FOXN3: variants seen among roughly 807,000 people sequenced by gnomAD.
FOXN3 encodes forkhead box protein N3.
Under a neutral mutation model 38.4 loss-of-function variants are expected in FOXN3, and 7 were observed. The observed-to-expected ratio is 0.18, with a 90% CI of 0.10 to 0.34. The LOEUF is 0.34. Ranked by LOEUF, FOXN3 falls within the 10% of genes least tolerant of loss-of-function variation. The probability of loss-of-function intolerance (pLI) is 1.00; values close to 1 mark genes in which losing one functional copy is unlikely to be tolerated. For synonymous variants in FOXN3, 230 were observed against 242.2 expected (o/e 0.95, Z 0.47); for missense variants, 456 against 613.4 (o/e 0.74, Z 2.71).
chr14:89,603,211 T>A (rs1896194672), intron 1 of FOXN3, among the ~76,000 whole-genome samples: 1 of 152,240 alleles, frequency 6.6e-6, no homozygotes, highest in African/African-American at 2.4e-5. Flanking sequence ...TTTGCTATTA[T>A]GATCCAAATA....
At chr14:89,284,947 C>T (rs1284245834) in intron 3 of FOXN3, among the ~76,000 whole-genome samples, 1 of 152,174 alleles carries the variant, frequency 6.6e-6, no homozygotes, top group Non-Finnish European at 1.5e-5. Flanking sequence ...CTCTGAGCTG[C>T]ACTACCTCCA....
intron 1 of FOXN3, among the ~76,000 whole-genome samples, chr14:89,503,903 C>T (rs769211816): frequency 2.0e-5 from 3 of 152,204 alleles, no homozygotes; most frequent in African/African-American, 7.2e-5. Flanking sequence ...ACAGATGCGA[C>T]GCCATGAAAC....
intron 1 of FOXN3, among the ~76,000 whole-genome samples, chr14:89,519,307 G>A (rs1894272672): frequency 6.6e-6 from 1 of 152,194 alleles, no homozygotes; most frequent in African/African-American, 2.4e-5. Context: ...ATTCTTGGAG[G>A]AGGGCTGAGG....
At chr14:89,447,578 C>A (rs897859789) in intron 1 of FOXN3, among the ~76,000 whole-genome samples, 1 of 152,028 alleles carries the variant, frequency 6.6e-6, no homozygotes, top group Non-Finnish European at 1.5e-5. Flanking sequence ...AATATTGCCA[C>A]GAGGAGAAGT....
At chr14:89,421,528 A>ATATT (rs33969710), upstream of FOXN3, among the ~76,000 whole-genome samples, 177 of 144,800 alleles carry the variant, frequency 1.2e-3, no homozygotes, top group African/African-American at 4.3e-3. Context: ...ACCCAGGGAA[A>ATATT]TTTTTTTTTT....
intron 4 of FOXN3, among the ~76,000 whole-genome samples, chr14:89,227,792 G>T (rs150834920): frequency 1.4e-4 from 22 of 152,344 alleles, no homozygotes; most frequent in African/African-American, 5.1e-4. Context: ...TCGGAGGGCT[G>T]GTGAGGGCAG....
chr14:89,288,456 G>C lies in FOXN3; in HGVS notation c.681-7442C>G, dbSNP rs537781292. Among the ~76,000 whole-genome samples, 91 of 152,042 alleles carry C rather than the reference G, an allele frequency of 6.0e-4. 1 individual carries two copies. Among genetic ancestry groups the C allele is most frequent in the African/African-American group, 2.0e-3 (82 of 41,460 alleles). On this transcript the variant is annotated intron_variant, in intron 3 of 5. Transcript: ENST00000557258. ...GCTGCTCTGGCACCATATCTATCGAGCTATTTTATTTTACTTTTAAACAAT... is the reference window on the plus strand; with the variant it reads ...GCTGCTCTGGCACCATATCTATCGACCTATTTTATTTTACTTTTAAACAAT...
intron 2 of FOXN3, among the ~76,000 whole-genome samples, chr14:89,391,763 G>T (rs567170582): frequency 8.5e-5 from 13 of 152,236 alleles, no homozygotes; most frequent in African/African-American, 3.1e-4. Context: ...CTGGCACTTT[G>T]GGAGGCCGAG....
At chr14:89,254,710 C>T (rs1885564290) in intron 4 of FOXN3, among the ~76,000 whole-genome samples, 1 of 152,124 alleles carries the variant, frequency 6.6e-6, no homozygotes, top group African/African-American at 2.4e-5. Context: ...GTGTCCTCTG[C>T]CTGGTGGGGT....
At chr14:89,369,414 G>A (rs937674146) in intron 2 of FOXN3, among the ~76,000 whole-genome samples, 9 of 152,074 alleles carry the variant, frequency 5.9e-5, no homozygotes, top group African/African-American at 1.9e-4. Context: ...AACATTTTAC[G>A]TACATTATTT....
Position 89,538,204 on chromosome 14 carries a change from C to T in FOXN3, c.-15+80824G>A, listed in dbSNP as rs116929872. Among the ~76,000 whole-genome samples the T allele has an allele frequency of 1.1e-4, 17 of 152,334 alleles. No individual in the cohort carries two copies. The East Asian group carries it at 3.3e-3, about 29-fold the overall frequency. On this transcript the variant is annotated intron_variant, in intron 1 of 6. Coordinates refer to the FOXN3 transcript ENST00000345097. ...AATGTATTTGTTCTTCTGCTCAAAA[C>T]GCAGTTCATTCATGCATTTCCTAAG...
chr14:89,171,078 C>G (rs188676257), intron 5 of FOXN3, among the ~76,000 whole-genome samples: 159 of 150,190 alleles, frequency 1.1e-3, no homozygotes, highest in African/African-American at 3.7e-3. Context: ...AAATCTATGG[C>G]GAAATTAAGC....
chr14:89,408,684 T>C (rs1891454866), intron 2 of FOXN3, among the ~76,000 whole-genome samples: 1 of 151,390 alleles, frequency 6.6e-6, no homozygotes, highest in Admixed American at 6.6e-5. Flanking sequence ...GGATTCCACA[T>C]TTTCACTGCT....
At chr14:89,410,238 A>G (rs1222822315) in intron 2 of FOXN3, among the ~76,000 whole-genome samples, 7 of 152,156 alleles carry the variant, frequency 4.6e-5, no homozygotes, top group East Asian at 1.9e-4. Context: ...GAATATTCTC[A>G]GGCTCAAGAT....
chr14:89,527,054 G>C (rs1894446714), intron 1 of FOXN3, among the ~76,000 whole-genome samples: 1 of 151,058 alleles, frequency 6.6e-6, no homozygotes, highest in Admixed American at 6.6e-5. Context: ...GGGAGGGGAG[G>C]AGAGGAGGAG....
Position 89,386,127 on chromosome 14 carries a change from C to A in FOXN3, c.543+25807G>T, listed in dbSNP as rs577044560. Reference sequence around the variant, plus strand: ...GACAGCAAACAGCTCAGAGGATGCACACGGGGGAGCTCGGGAGGGTGGGTG... The same window carrying A: ...GACAGCAAACAGCTCAGAGGATGCAAACGGGGGAGCTCGGGAGGGTGGGTG... On this transcript the variant is annotated intron_variant, in intron 2 of 5. Transcript: ENST00000557258. 7.2e-4 allele frequency among the ~76,000 whole-genome samples: 110 copies of A among 152,212 alleles called. 1 individual carries two copies. Among genetic ancestry groups the A allele is most frequent in the Non-Finnish European group, 1.3e-3 (89 of 68,048 alleles).
rs200306338 is a variant in FOXN3 at position 89,551,817 on chromosome 14, ACT to A, written c.-15+67209_-15+67210del. Among the ~76,000 whole-genome samples the A allele has an allele frequency of 7.9e-3, 1,196 of 152,142 alleles. 10 individuals are homozygous for A. The highest frequency in any genetic ancestry group is 0.027 in the African/African-American group (1,137 of 41,500). ...TCTGCTAGATACTCATCTAGGGGTA[ACT>A]CTATTTTTAGGGCCTCACCCATGAC... On this transcript the variant is annotated intron_variant, in intron 1 of 6. Coordinates refer to the FOXN3 transcript ENST00000345097.
At chr14:89,618,429 C>T (rs1415142670) in intron 1 of FOXN3, among the ~76,000 whole-genome samples, 1 of 152,156 alleles carries the variant, frequency 6.6e-6, no homozygotes, top group Non-Finnish European at 1.5e-5. Context: ...GAGAAATCTT[C>T]TTATTACCCT....
At chr14:89,335,314 T>C (rs370023434) in intron 3 of FOXN3, among the ~76,000 whole-genome samples, 2 of 152,216 alleles carry the variant, frequency 1.3e-5, no homozygotes, top group African/African-American at 4.8e-5. Flanking sequence ...AACAACTCAG[T>C]GGTCCAGCAC....
Sources: gnomAD v4.1 joint callset for allele counts (sites outside exome capture counted in the v4.1 genomes callset) on GRCh38, gnomAD v4.1.1 for gene constraint, MANE v1.5 for transcripts, NCBI Gene and HGNC (gene_info 2026-07-23, HGNC 2026-07-21) for gene names.